Variants in EML5 observed in about 807,000 individuals in gnomAD.
EML5 encodes EMAP like 5.
Under a neutral mutation model 250.0 loss-of-function variants are expected in EML5, and 120 were observed. That is an observed-to-expected ratio of 0.48 (90% CI 0.41 to 0.56). EML5 has a LOEUF of 0.56. Among genes scored for constraint, EML5 ranks in the 20% least tolerant of loss-of-function variants. EML5 has a pLI of 0.00. For missense variants in EML5, 2,006 were observed against 2,437.6 expected (o/e 0.82, Z 3.73); for synonymous variants, 771 against 806.5 (o/e 0.96, Z 0.75).
At chr14:88,710,068 A>G (rs1214406679) in intron 10 of EML5, among the ~76,000 whole-genome samples, 1 of 152,136 alleles carries the variant, frequency 6.6e-6, no homozygotes, top group African/African-American at 2.4e-5. Flanking sequence ...TCACCTCTCC[A>G]TTCTCCCTGA....
At chr14:88,682,167 CTT>C in intron 20 of EML5, 136 bp from the exon 21 acceptor site, 1 of 920,164 alleles carries the variant, frequency 1.1e-6, no homozygotes. Flanking sequence ...TCTATCAAAA[CTT>C]TTCTGTTTAT....
intron 1 of EML5, among the ~76,000 whole-genome samples, chr14:88,779,821 G>T (rs1017430845): frequency 2.0e-5 from 3 of 152,070 alleles, no homozygotes; most frequent in African/African-American, 7.2e-5. Flanking sequence ...ATAGAACTAG[G>T]TTAAAAAATG....
At chr14:88,664,286 A>AAAG (rs1555430590) in intron 23 of EML5, among the ~76,000 whole-genome samples, 13 of 151,518 alleles carry the variant, frequency 8.6e-5, no homozygotes, top group South Asian at 2.1e-4. Flanking sequence ...AAAAAAAAAA[A>AAAG]AAAAGAAAAG....
At chr14:88,697,688 A>G (rs1404578535) in intron 14 of EML5, among the ~76,000 whole-genome samples, 4 of 152,170 alleles carry the variant, frequency 2.6e-5, no homozygotes, top group African/African-American at 9.6e-5. Flanking sequence ...AACTCCTGAA[A>G]TAATTAATAG....
At chr14:88,700,442 G>A (rs938770315) in intron 14 of EML5, among the ~76,000 whole-genome samples, 4 of 152,020 alleles carry the variant, frequency 2.6e-5, no homozygotes, top group Admixed American at 2.6e-4. Flanking sequence ...ACAGTAGATG[G>A]ACAAACCAGG....
chr14:88,677,880 C>T (rs1019482430), intron 21 of EML5, among the ~76,000 whole-genome samples: 9 of 151,972 alleles, frequency 5.9e-5, no homozygotes, highest in African/African-American at 1.4e-4. Context: ...TTGTGGAAGA[C>T]GGTGATTCTT....
chr14:88,785,108 C>G (rs1488920635), intron 1 of EML5, among the ~76,000 whole-genome samples: 1 of 152,088 alleles, frequency 6.6e-6, no homozygotes, highest in African/African-American at 2.4e-5. Context: ...ATCGCATGTT[C>G]CCACTTATTT....
rs772242051 is a variant in EML5, at chr14:88,627,093, T to G, written c.4532-47A>C. Reference sequence around the variant, plus strand: ...ATCTAGGTTATTACAAGAACCAAGCTAATCAACAGCATCAAACAAATATGT... The same window carrying G: ...ATCTAGGTTATTACAAGAACCAAGCGAATCAACAGCATCAAACAAATATGT... On this transcript the variant is annotated intron_variant, in intron 34 of 43. Transcript: ENST00000554922. 1.9e-6 allele frequency: 3 copies of G among 1,581,618 alleles called. No individual in the cohort carries two copies. The South Asian group carries it at 3.3e-5, about 18-fold the overall frequency.
At chr14:88,753,951 C>T (rs772746886) in intron 2 of EML5, among the ~76,000 whole-genome samples, 1 of 151,734 alleles carries the variant, frequency 6.6e-6, no homozygotes, top group Non-Finnish European at 1.5e-5. Flanking sequence ...CCAGCCTGGG[C>T]ACCACAGTGA....
chr14:88,689,436 A>G (rs2092909846), intron 17 of EML5, among the ~76,000 whole-genome samples: 2 of 152,212 alleles, frequency 1.3e-5, no homozygotes, highest in Non-Finnish European at 2.9e-5. Context: ...ATTTTATTGT[A>G]GTTTAAATTT....
At chr14:88,666,312 C>T (rs1465601201) in intron 21 of EML5, among the ~76,000 whole-genome samples, 1 of 152,092 alleles carries the variant, frequency 6.6e-6, no homozygotes, top group Non-Finnish European at 1.5e-5. Flanking sequence ...CTGCAACCTC[C>T]GCCTCCTGGG....
At chr14:88,707,995 A>G (rs2093346248) in intron 10 of EML5, among the ~76,000 whole-genome samples, 1 of 152,184 alleles carries the variant, frequency 6.6e-6, no homozygotes, top group Non-Finnish European at 1.5e-5. Flanking sequence ...TAGGACAATT[A>G]AAGAGTTATC....
intron 29 of EML5, 83 bp downstream of exon 29, chr14:88,646,864 T>C: frequency 7.1e-7 from 1 of 1,417,676 alleles, no homozygotes; most frequent in Non-Finnish European, 9.5e-7. Flanking sequence ...GAACACTAAG[T>C]AACAGTATCC....
At chr14:88,668,820 A>G (rs1056806531) in intron 21 of EML5, among the ~76,000 whole-genome samples, 4 of 152,140 alleles carry the variant, frequency 2.6e-5, no homozygotes, top group African/African-American at 9.7e-5. Flanking sequence ...AACATTTTCT[A>G]GTTATCAAAA....
intron 40 of EML5, 136 bp downstream of exon 40, chr14:88,618,514 G>T: frequency 8.6e-7 from 1 of 1,156,576 alleles, no homozygotes; most frequent in African/African-American, 1.6e-5. Context: ...GGAAAGGGGA[G>T]CTGTAGGTCA....
chr14:88,790,914 TAC>T (rs1227444416), intron 1 of EML5, among the ~76,000 whole-genome samples: 1 of 152,170 alleles, frequency 6.6e-6, no homozygotes, highest in African/African-American at 2.4e-5. Context: ...ATCACCACGA[TAC>T]AGAGTCCCAG....
At chr14:88,717,086 A>G (rs2093508362) in intron 8 of EML5, among the ~76,000 whole-genome samples, 1 of 152,246 alleles carries the variant, frequency 6.6e-6, no homozygotes, top group Non-Finnish European at 1.5e-5. Flanking sequence ...ATACAACCGA[A>G]GAATCATTTC....
chr14:88,766,442 G>A (rs979906101), intron 1 of EML5, among the ~76,000 whole-genome samples: 10 of 152,252 alleles, frequency 6.6e-5, no homozygotes, highest in East Asian at 1.9e-4. Context: ...TTACAGTTGT[G>A]GATAAGGGAT....
At chr14:88,677,610 A>C (rs1032669023) in intron 21 of EML5, among the ~76,000 whole-genome samples, 2 of 152,246 alleles carry the variant, frequency 1.3e-5, no homozygotes, top group African/African-American at 4.8e-5. Context: ...TTCACAAGAA[A>C]TAACCCCATT....
Sources: gnomAD v4.1 joint callset for allele counts (sites outside exome capture counted in the v4.1 genomes callset) on GRCh38, gnomAD v4.1.1 for gene constraint, MANE v1.5 for transcripts, NCBI Gene and HGNC (gene_info 2026-07-23, HGNC 2026-07-21) for gene names.